The following DLG5 variants were observed in gnomAD, a reference collection of about 807,000 sequenced individuals.
DLG5 encodes discs large MAGUK scaffold protein 5.
A neutral mutation model predicts 189.8 loss-of-function variants in DLG5; 48 were observed. That is an observed-to-expected ratio of 0.25 (90% CI 0.20 to 0.32). The LOEUF (loss-of-function observed/expected upper bound fraction) is 0.32, where lower values mean the gene tolerates loss of function less well. DLG5 is among the 10% of genes least tolerant of loss of function. DLG5 has a pLI of 1.00. For synonymous variants in DLG5, 1,016 were observed against 1,054.1 expected, an observed-to-expected ratio of 0.96 and a Z score of 0.70; for missense variants, 2,160 against 2,544.7, an observed-to-expected ratio of 0.85 and a Z score of 3.25.
At chr10:77,913,920 A>G (rs1286312835) in intron 1 of DLG5, among the ~76,000 whole-genome samples, 1 of 152,160 alleles carries the variant, frequency 6.6e-6, no homozygotes, top group Non-Finnish European at 1.5e-5. Context: ...TTTAAAAGGA[A>G]GAAAGACAGG....
Position 77,896,117 on chromosome 10 carries a change from G to A in DLG5, c.305-26920C>T, listed in dbSNP as rs910112705. 5.4e-5 allele frequency among the ~76,000 whole-genome samples: 8 copies of A among 148,090 alleles called. No homozygotes were observed. In the East Asian group the frequency reaches 8.1e-4, roughly 15 times the overall value. The stretch of plus-strand genomic sequence containing the variant: ...AAAGTTTGCAGTGAGCCAAGATCCC[G>A]CCACAGCACTCCAGGAGACTGTGTC... On this transcript the variant is annotated intron_variant, in intron 1 of 31. Coordinates refer to ENST00000372391, the MANE Select transcript of DLG5 (RefSeq NM_004747.4).
At chr10:77,806,718 A>AGGGCCCCCCCCCCCC in intron 26 of DLG5, 40 bp downstream of exon 26, 7 of 1,333,648 alleles carry the variant, frequency 5.2e-6, no homozygotes, top group Non-Finnish European at 7.5e-6. Flanking sequence ...GCCCTCGGCG[A>AGGGCCCCCCCCCCCC]CCCCTGCCCC....
intron 15 of DLG5, 185 bp downstream of exon 15, chr10:77,820,897 T>G (rs1219497991): frequency 1.5e-6 from 1 of 666,844 alleles, no homozygotes; most frequent in Non-Finnish European, 2.5e-6. Context: ...CCCACTACCA[T>G]GCACTTCCAC....
chr10:77,839,855 G>A (rs888111213), intron 7 of DLG5, among the ~76,000 whole-genome samples: 1 of 152,174 alleles, frequency 6.6e-6, no homozygotes, highest in Non-Finnish European at 1.5e-5. Context: ...AGGGTCTGGA[G>A]AAGTCTTGGT....
At chr10:77,840,908 T>A (rs183348039) in intron 7 of DLG5, among the ~76,000 whole-genome samples, 159 of 152,268 alleles carry the variant, frequency 1.0e-3, no homozygotes, top group African/African-American at 3.8e-3. Flanking sequence ...TGCCTCACAC[T>A]TGGTACAGCA....
intron 5 of DLG5, 44 bp from the exon 6 acceptor site, chr10:77,843,750 G>A (rs966366710): frequency 1.2e-6 from 2 of 1,609,616 alleles, no homozygotes; most frequent in African/African-American, 2.7e-5. Context: ...TGTGGGAGGT[G>A]GCGGAGGAGA....
intron 27 of DLG5, among the ~76,000 whole-genome samples, chr10:77,801,296 G>T (rs1196143159): frequency 6.6e-6 from 1 of 152,130 alleles, no homozygotes; most frequent in African/African-American, 2.4e-5. Context: ...AAACTCTAGA[G>T]TGATAAATAA....
rs149904544 is a variant in DLG5 at position 77,914,757 on chromosome 10, A to G, written c.304+11460T>C. 9.4e-3 allele frequency among the ~76,000 whole-genome samples: 1,427 copies of G among 152,204 alleles called. 7 individuals are homozygous for G. Among genetic ancestry groups the G allele is most frequent in the Non-Finnish European group, 0.016 (1,097 of 68,002 alleles). ...CAGGGGCTCAGCAAAGAGTTGCCCA[A>G]AACTTAACCAGTCCCAGACCTGCAG... On this transcript the variant is annotated intron_variant, in intron 1 of 31. Transcript: ENST00000372391.
chr10:77,937,260 C>G, the DLG5 span, among the ~76,000 whole-genome samples: 2 of 152,224 alleles, frequency 1.3e-5, no homozygotes, highest in Non-Finnish European at 2.9e-5. Context: ...TCTGCCTCCT[C>G]TTTGCCTGTC....
chr10:77,829,294 CT>C, intron 12 of DLG5, 60 bp downstream of exon 12: 1 of 1,608,210 alleles, frequency 6.2e-7, no homozygotes, highest in South Asian at 1.1e-5. Flanking sequence ...CCCCCGGCCC[CT>C]GTCCACAAAA....
chr10:77,880,961 CCTTT>C (rs1845260950), intron 1 of DLG5, among the ~76,000 whole-genome samples: 1 of 105,650 alleles, frequency 9.5e-6, no homozygotes, highest in African/African-American at 3.3e-5. Context: ...TAACCCTAGA[CCTTT>C]TTTTTTTTTT....
the DLG5 span, among the ~76,000 whole-genome samples, chr10:77,935,529 A>G: frequency 2.8e-3 from 425 of 152,240 alleles, 2 homozygotes; most frequent in Middle Eastern, 0.02. Context: ...TTTATGTTTT[A>G]ATGGATAAGC....
intron 1 of DLG5, among the ~76,000 whole-genome samples, chr10:77,923,202 C>G (rs1846586357): frequency 6.6e-6 from 1 of 152,210 alleles, no homozygotes; most frequent in Non-Finnish European, 1.5e-5. Flanking sequence ...CTCTCAGGCT[C>G]CGCAATGGCC....
chr10:77,922,035 A>T (rs1846550252), intron 1 of DLG5, among the ~76,000 whole-genome samples: 1 of 152,180 alleles, frequency 6.6e-6, no homozygotes, highest in Admixed American at 6.5e-5. Flanking sequence ...TAAAAGAAAA[A>T]GCCTGTTTGT....
At chr10:77,904,847 G>A (rs987584570) in intron 1 of DLG5, among the ~76,000 whole-genome samples, 14 of 148,978 alleles carry the variant, frequency 9.4e-5, no homozygotes, top group African/African-American at 2.7e-4. Flanking sequence ...TCCTGGCTCC[G>A]GCCGGGCGCG....
intron 1 of DLG5, among the ~76,000 whole-genome samples, chr10:77,918,137 G>A (rs957574364): frequency 6.6e-6 from 1 of 152,030 alleles, no homozygotes; most frequent in Admixed American, 6.6e-5. Flanking sequence ...AAGGCCGGGT[G>A]CGGTGGCTCA....
In DLG5 at chr10:77,859,131, C is replaced by A. The variant is rs538250305; in HGVS notation, c.374-2239G>T. On this transcript the variant is annotated intron_variant, in intron 2 of 31. Coordinates refer to ENST00000372391, the MANE Select transcript of DLG5 (RefSeq NM_004747.4). Reference sequence around the variant, plus strand: ...GCTCAAGGGATCTGCCTGCCTTGGCCTCCCAAAGTGGTCGGATTACAGGCG... The same window carrying A: ...GCTCAAGGGATCTGCCTGCCTTGGCATCCCAAAGTGGTCGGATTACAGGCG... Among the ~76,000 whole-genome samples the A allele has an allele frequency of 2.3e-4, 35 of 152,284 alleles. No homozygotes were observed. The South Asian group carries it at 7.3e-3, about 32-fold the overall frequency.
chr10:77,858,985 A>G (rs1385066771), intron 2 of DLG5, among the ~76,000 whole-genome samples: 1 of 151,936 alleles, frequency 6.6e-6, no homozygotes, highest in African/African-American at 2.4e-5. Context: ...CGATCCTCTC[A>G]CCTCGGCCTC....
intron 5 of DLG5, among the ~76,000 whole-genome samples, chr10:77,853,147 A>ATTT (rs71030909): frequency 2.1e-5 from 3 of 143,808 alleles, no homozygotes; most frequent in Non-Finnish European, 3.1e-5. Flanking sequence ...TGTCCAGCTA[A>ATTT]TTTTTTTTTT....
Sources: allele counts gnomAD v4.1 joint callset (sites outside exome capture counted in the v4.1 genomes callset), GRCh38; gene constraint gnomAD v4.1.1; transcripts MANE v1.5; gene names NCBI Gene and HGNC (gene_info 2026-07-23, HGNC 2026-07-21).